PDE10A: variants seen among roughly 807,000 people sequenced by gnomAD.
The protein encoded by PDE10A is cAMP and cAMP-inhibited cGMP 3',5'-cyclic phosphodiesterase 10A.
In PDE10A, 39 loss-of-function variants were observed where a neutral mutation model predicts 97.7. The ratio of observed to expected loss-of-function variants is 0.40; its 90% CI spans 0.31 to 0.52. The LOEUF (loss-of-function observed/expected upper bound fraction) is 0.52. Among genes scored for constraint, PDE10A ranks in the 20% least tolerant of loss-of-function variants. The pLI, the probability that PDE10A is intolerant of heterozygous loss-of-function variation, is 0.56. For synonymous variants in PDE10A, 371 were observed against 376.8 expected, an observed-to-expected ratio of 0.98 and a Z score of 0.18; for missense variants, 731 against 1,047.8, an observed-to-expected ratio of 0.70 and a Z score of 4.17.
intron 18 of PDE10A, among the ~76,000 whole-genome samples, chr6:165,345,866 G>A (rs1173663340): frequency 1.3e-5 from 2 of 152,138 alleles, no homozygotes; most frequent in African/African-American, 2.4e-5. Context: ...CAAGTGCTGG[G>A]TAAAAATCAA....
chr6:165,905,085 A>G (rs1032660496), intron 1 of PDE10A, among the ~76,000 whole-genome samples: 8 of 152,238 alleles, frequency 5.3e-5, no homozygotes, highest in African/African-American at 1.9e-4. Flanking sequence ...ACCACTCTCC[A>G]GTCTCCAAAC....
At chr6:165,588,316 G>C (rs533552673) in intron 1 of PDE10A, among the ~76,000 whole-genome samples, 2 of 120,028 alleles carry the variant, frequency 1.7e-5, no homozygotes, top group East Asian at 2.7e-4. Flanking sequence ...TTGAGATGGA[G>C]TTTTGCTCTT....
At chr6:165,709,487 C>T (rs1791833010) in intron 1 of PDE10A, among the ~76,000 whole-genome samples, 1 of 128,132 alleles carries the variant, frequency 7.8e-6, no homozygotes, top group East Asian at 2.5e-4. Flanking sequence ...TCTCCACCCC[C>T]ATGCTCCCGC....
chr6:165,854,971 G>A (rs1472823072), intron 1 of PDE10A, among the ~76,000 whole-genome samples: 1 of 151,896 alleles, frequency 6.6e-6, no homozygotes, highest in Non-Finnish European at 1.5e-5. Context: ...CAGTTTAGGC[G>A]CGGGGGAAGA....
intron 1 of PDE10A, among the ~76,000 whole-genome samples, chr6:165,602,372 A>G (rs1439951208): frequency 6.6e-6 from 1 of 151,824 alleles, no homozygotes; most frequent in Non-Finnish European, 1.5e-5. Context: ...AATAATCCAC[A>G]TGTCTCCCTT....
At chr6:165,889,517 C>T (rs1370894428) in intron 1 of PDE10A, among the ~76,000 whole-genome samples, 1 of 152,166 alleles carries the variant, frequency 6.6e-6, no homozygotes, top group African/African-American at 2.4e-5. Context: ...ACTCAGGGAA[C>T]CCAGCAAGCT....
chr6:165,872,049 C>T (rs144197758), intron 1 of PDE10A, among the ~76,000 whole-genome samples: 139 of 152,282 alleles, frequency 9.1e-4, no homozygotes, highest in African/African-American at 3.2e-3. Context: ...CAGGGACTCG[C>T]TGTGTTCAAT....
chr6:165,859,318 A>G (rs1583200061), intron 1 of PDE10A, among the ~76,000 whole-genome samples: 1 of 152,222 alleles, frequency 6.6e-6, no homozygotes, highest in Non-Finnish European at 1.5e-5. Context: ...TAAAATATAC[A>G]TAACACAAAT....
intron 1 of PDE10A, among the ~76,000 whole-genome samples, chr6:165,714,921 G>A (rs1202441423): frequency 7.0e-6 from 1 of 142,498 alleles, no homozygotes; most frequent in Non-Finnish European, 1.5e-5. Flanking sequence ...CCAGCCCAGG[G>A]CAAGTAGAAC....
intron 1 of PDE10A, among the ~76,000 whole-genome samples, chr6:165,982,719 C>T (rs1178537458): frequency 6.6e-6 from 1 of 152,094 alleles, no homozygotes; most frequent in African/African-American, 2.4e-5. Flanking sequence ...TTTTCAAGTA[C>T]TTTCTTATTA....
At chr6:165,584,711 T>C (rs1033663920) in intron 1 of PDE10A, among the ~76,000 whole-genome samples, 3 of 152,186 alleles carry the variant, frequency 2.0e-5, no homozygotes, top group African/African-American at 4.8e-5. Flanking sequence ...GAATACCCCT[T>C]AGGGCATCTG....
chr6:165,949,498 G>C (rs1012581160), intron 1 of PDE10A: 5 of 151,674 alleles, frequency 3.3e-5, no homozygotes, highest in African/African-American at 1.2e-4. Flanking sequence ...TGATGACTGG[G>C]GTGACCACTG....
intron 1 of PDE10A, among the ~76,000 whole-genome samples, chr6:165,736,704 G>T (rs967485517): frequency 3.9e-5 from 6 of 152,246 alleles, no homozygotes; most frequent in African/African-American, 1.4e-4. Flanking sequence ...TAAGGAAAAA[G>T]AAATACTTCA....
chr6:165,659,785 G>C (rs543343044), intron 1 of PDE10A, among the ~76,000 whole-genome samples: 1 of 152,142 alleles, frequency 6.6e-6, no homozygotes, highest in Non-Finnish European at 1.5e-5. Flanking sequence ...TCCTCTCCAG[G>C]TATTGTGTTC....
Position 165,542,612 on chromosome 6 carries a change from C to CTTTTTTTTTTTTTTTTTT in PDE10A, c.994+810_994+827dup, listed in dbSNP as rs545149187. Among the ~76,000 whole-genome samples the CTTTTTTTTTTTTTTTTTT allele has an allele frequency of 3.0e-4, 23 of 76,452 alleles. 1 individual carries two copies. Among genetic ancestry groups the CTTTTTTTTTTTTTTTTTT allele is most frequent in the East Asian group, 1.1e-3 (2 of 1,766 alleles). The allele number at this position is 76,452 out of a possible 152,430, so 50.2% of individuals were successfully genotyped here. On this transcript the variant is annotated intron_variant, in intron 2 of 21. Transcript: ENST00000539869. ...TTTAGGTCAAAAAGATGTCCTTGTT[C>CTTTTTTTTTTTTTTTTTT]TTTTTTTTTTTTTTTTTTTTTTTTT... is the stretch of plus-strand genomic sequence containing the variant.
chr6:165,972,600 G>A (rs1784716781), intron 1 of PDE10A, among the ~76,000 whole-genome samples: 1 of 152,280 alleles, frequency 6.6e-6, no homozygotes, highest in South Asian at 2.1e-4. Context: ...CAGCCAGCAG[G>A]GACAGTGATG....
chr6:165,749,177 A>C, intron 1 of PDE10A, among the ~76,000 whole-genome samples: 1 of 148,280 alleles, frequency 6.7e-6, no homozygotes, highest in African/African-American at 2.6e-5. Flanking sequence ...CACCACCATT[A>C]ACACTATCAC....
chr6:165,726,023 G>T (rs1040501560), intron 1 of PDE10A, among the ~76,000 whole-genome samples: 1 of 152,188 alleles, frequency 6.6e-6, no homozygotes, highest in African/African-American at 2.4e-5. Context: ...ATTACTAAGA[G>T]AATATGGTCT....
intron 1 of PDE10A, among the ~76,000 whole-genome samples, chr6:165,978,767 G>A (rs545666133): frequency 5.9e-5 from 9 of 152,168 alleles, no homozygotes; most frequent in South Asian, 4.2e-4. Context: ...AGATAATAAC[G>A]TTATATCATT....
Sources: gnomAD v4.1 joint callset for allele counts (sites outside exome capture counted in the v4.1 genomes callset) on GRCh38, gnomAD v4.1.1 for gene constraint, MANE v1.5 for transcripts, NCBI Gene and HGNC (gene_info 2026-07-23, HGNC 2026-07-21) for gene names.